The following CACNA1C variants were observed in gnomAD, a reference collection of about 807,000 sequenced individuals.
The protein encoded by CACNA1C is voltage-dependent L-type calcium channel subunit alpha-1C.
A neutral mutation model predicts 229.0 loss-of-function variants in CACNA1C; 30 were observed. That is an observed-to-expected ratio of 0.13 (90% CI 0.10 to 0.18). The LOEUF (loss-of-function observed/expected upper bound fraction) is 0.18. Among genes scored for constraint, CACNA1C ranks in the 10% least tolerant of loss-of-function variants. The probability of loss-of-function intolerance (pLI) is 1.00; values close to 1 mark genes in which losing one functional copy is unlikely to be tolerated. For missense variants in CACNA1C, 1,658 were observed against 2,845.0 expected, an observed-to-expected ratio of 0.58 and a Z score of 9.49; for synonymous variants, 1,114 against 1,132.5, an observed-to-expected ratio of 0.98 and a Z score of 0.33.
intron 3 of CACNA1C, among the ~76,000 whole-genome samples, chr12:2,252,793 T>A (rs2076066883): frequency 6.6e-6 from 1 of 152,214 alleles, no homozygotes; most frequent in African/African-American, 2.4e-5. Flanking sequence ...CAGTTTTTAC[T>A]TCCCAAGACT....
At chr12:2,487,073 G>T (rs1011996388) in intron 6 of CACNA1C, among the ~76,000 whole-genome samples, 1 of 152,166 alleles carries the variant, frequency 6.6e-6, no homozygotes, top group Non-Finnish European at 1.5e-5. Context: ...GCCTTTTAAA[G>T]AAACATTTAA....
intron 11 of CACNA1C, among the ~76,000 whole-genome samples, chr12:2,560,765 T>C (rs1394335522): frequency 6.7e-6 from 1 of 149,718 alleles, no homozygotes; most frequent in East Asian, 2.0e-4. Flanking sequence ...TTTGCCCCAA[T>C]CTCTAATAGT....
chr12:2,507,664 G>A (rs760230152), intron 8 of CACNA1C, among the ~76,000 whole-genome samples: 9 of 152,198 alleles, frequency 5.9e-5, no homozygotes, highest in Non-Finnish European at 8.8e-5. Context: ...CGGCGTGTTC[G>A]CTAGATTCGC....
intron 39 of CACNA1C, among the ~76,000 whole-genome samples, chr12:2,675,562 G>A (rs996825926): frequency 1.3e-5 from 2 of 152,176 alleles, no homozygotes; most frequent in African/African-American, 4.8e-5. Context: ...ATTGCCATCA[G>A]GAATACAGTT....
At position 2,557,387 on chromosome 12, in the gene CACNA1C, G is replaced by A. The variant is rs576936412; in HGVS notation, c.1508+410G>A. ...GAAAGCACGTAGGATTATGACACCC[G>A]TCTGTGTCACTGCTCTTGACAATGA... On this transcript the variant is annotated intron_variant, in intron 11 of 46. Transcript: ENST00000399655. Among the ~76,000 whole-genome samples, 127 of 152,304 alleles carry A rather than the reference G, an allele frequency of 8.3e-4. 2 individuals are homozygous for A. The highest frequency in any genetic ancestry group is 2.7e-3 in the African/African-American group (112 of 41,548).
chr12:2,387,870 C>A (rs1206330008), intron 3 of CACNA1C, among the ~76,000 whole-genome samples: 1 of 152,146 alleles, frequency 6.6e-6, no homozygotes, highest in Non-Finnish European at 1.5e-5. Context: ...AGTCTGGATT[C>A]TATCCTAGGA....
chr12:2,120,761 T>C (rs1215290111), intron 3 of CACNA1C, among the ~76,000 whole-genome samples: 4 of 151,696 alleles, frequency 2.6e-5, no homozygotes, highest in African/African-American at 9.7e-5. Context: ...AGGTGTTCGC[T>C]GCAGCGAACA....
rs1018305085 is a variant in CACNA1C at position 2,359,612 on chromosome 12, G to C, written c.478-89364G>C. On this transcript the variant is annotated intron_variant, in intron 3 of 46. Transcript: ENST00000399655. Reference sequence around the variant, plus strand: ...AGAATTAGGAACAAAGACAACTTGGGGACTGGAGAGAACTTGGAGAGCATT... The same window carrying C: ...AGAATTAGGAACAAAGACAACTTGGCGACTGGAGAGAACTTGGAGAGCATT... Among the ~76,000 whole-genome samples the C allele has an allele frequency of 3.3e-4, 50 of 151,968 alleles. 1 individual carries two copies. Among genetic ancestry groups the C allele is most frequent in the Admixed American group, 3.3e-3 (50 of 15,254 alleles).
intron 30 of CACNA1C, chr12:2,641,584 C>T: frequency 1.6e-6 from 1 of 619,796 alleles, no homozygotes; most frequent in Non-Finnish European, 2.9e-6. Flanking sequence ...CGGCAACAGC[C>T]CCCACCCCCA....
chr12:2,544,765 C>T (rs777996651), intron 9 of CACNA1C, among the ~76,000 whole-genome samples: 1 of 152,134 alleles, frequency 6.6e-6, no homozygotes, highest in East Asian at 1.9e-4. Flanking sequence ...AGTTGGTTGG[C>T]GAGAGGTCGG....
At chr12:2,202,188 A>G in intron 3 of CACNA1C, among the ~76,000 whole-genome samples, 1 of 152,194 alleles carries the variant, frequency 6.6e-6, no homozygotes, top group Non-Finnish European at 1.5e-5. Context: ...TTAGACTTGG[A>G]AAGCCTTAAA....
intron 3 of CACNA1C, among the ~76,000 whole-genome samples, chr12:2,329,749 A>G (rs1006161439): frequency 6.6e-6 from 1 of 152,212 alleles, no homozygotes; most frequent in African/African-American, 2.4e-5. Flanking sequence ...AAAGTAGGAA[A>G]AGGGGAATGA....
intron 5 of CACNA1C, among the ~76,000 whole-genome samples, chr12:2,461,990 G>A (rs569374526): frequency 2.0e-5 from 3 of 152,136 alleles, no homozygotes; most frequent in Admixed American, 6.5e-5. Context: ...GACCCTCCAC[G>A]GCTTCCCTGA....
intron 6 of CACNA1C, among the ~76,000 whole-genome samples, chr12:2,490,389 A>T (rs895429311): frequency 2.6e-5 from 4 of 152,228 alleles, no homozygotes; most frequent in Admixed American, 1.3e-4. Context: ...CAATGTAAAG[A>T]TTAACTTCAT....
intron 1 of CACNA1C, among the ~76,000 whole-genome samples, chr12:1,997,223 AG>A (rs2041144313): frequency 6.6e-6 from 1 of 152,180 alleles, no homozygotes; most frequent in South Asian, 2.1e-4. Flanking sequence ...TTAAAGAGTC[AG>A]GGGTGGGAGA....
chr12:2,596,197 T>C lies in CACNA1C; in HGVS notation c.2793+194T>C, dbSNP rs944858229. 2.9e-5 allele frequency: 14 copies of C among 490,488 alleles called. 1 individual carries two copies. The highest frequency in any genetic ancestry group is 2.3e-4 in the East Asian group (7 of 29,872). The allele number at this position is 490,488 out of a possible 1,614,324, so 30.4% of individuals were successfully genotyped here. A position where few individuals can be genotyped will look rare whatever the true frequency, so the allele number is the denominator to read the frequency against. On this transcript the variant is annotated intron_variant, in intron 20 of 46. Coordinates refer to ENST00000399655, the MANE Select transcript of CACNA1C (RefSeq NM_000719.7). ...AGGACCACAAGCAAATAAAAGAGCA[T>C]GTACCCAAATGCTCAGGCTGGTTTG...
intron 3 of CACNA1C, among the ~76,000 whole-genome samples, chr12:2,199,707 G>T (rs2097529014): frequency 6.6e-6 from 1 of 151,984 alleles, no homozygotes; most frequent in Admixed American, 6.5e-5. Flanking sequence ...CACAGGTGTT[G>T]CCCCCCTCCC....
At position 2,594,448 on chromosome 12, in the gene CACNA1C, A is replaced by G. The variant is rs182399960; in HGVS notation, c.2663+1103A>G. Among the ~76,000 whole-genome samples the G allele has an allele frequency of 2.2e-3, 336 of 152,056 alleles. 2 individuals are homozygous for G. Among genetic ancestry groups the G allele is most frequent in the Middle Eastern group, 0.01 (3 of 294 alleles). On this transcript the variant is annotated intron_variant, in intron 19 of 46. Coordinates refer to ENST00000399655, the MANE Select transcript of CACNA1C (RefSeq NM_000719.7). ...CTGTATCTTCCAGTTTCTTAATTCT[A>G]TTTTCAACTTAATCTATATTACTGT...
chr12:2,077,796 A>G (rs2063783306), intron 1 of CACNA1C, among the ~76,000 whole-genome samples: 1 of 152,172 alleles, frequency 6.6e-6, no homozygotes, highest in Non-Finnish European at 1.5e-5. Flanking sequence ...TTTGGAGTCA[A>G]CAGCAAGGAA....
Sources: gnomAD v4.1 joint callset for allele counts (sites outside exome capture counted in the v4.1 genomes callset) on GRCh38, gnomAD v4.1.1 for gene constraint, MANE v1.5 for transcripts, NCBI Gene and HGNC (gene_info 2026-07-23, HGNC 2026-07-21) for gene names.